DKKL1: variants seen among roughly 807,000 people sequenced by gnomAD.
DKKL1 encodes dickkopf-like protein 1.
A neutral mutation model predicts 16.5 loss-of-function variants in DKKL1; 11 were observed. The observed-to-expected ratio is 0.67, with a 90% CI of 0.42 to 1.10. The LOEUF (loss-of-function observed/expected upper bound fraction) is 1.10, where lower values mean the gene tolerates loss of function less well. Ranked by LOEUF, DKKL1 falls within the 50% of genes least tolerant of loss-of-function variation. The pLI is 0.00. For missense variants in DKKL1, 320 were observed against 308.1 expected (o/e 1.04, Z -0.29); for synonymous variants, 119 against 133.2 (o/e 0.89, Z 0.73).
At chr19:49,361,408 G>A (rs958089363), upstream of DKKL1, 1 of 153,534 alleles carries the variant, frequency 6.5e-6, no homozygotes, top group Non-Finnish European at 1.4e-5. Context: ...AGAAAGGGCA[G>A]GGACAGAGAC....
chr19:49,367,973 T>C (rs890689967), intron 4 of DKKL1, among the ~76,000 whole-genome samples: 2 of 152,008 alleles, frequency 1.3e-5, no homozygotes, highest in African/African-American at 4.8e-5. Context: ...CCCACGAGTT[T>C]GAGATCACCC....
Position 49,365,894 on chromosome 19 carries a change from G to A in DKKL1, c.417+9G>A, listed in dbSNP as rs201804305. ...TCGAGGGTGATTTGAAGGTTAGGAC[G>A]TGCCCCGCCGTCAAAGTGTCCAGGC... On this transcript the variant is annotated intron_variant, in intron 4 of 4. Coordinates refer to ENST00000221498, the MANE Select transcript of DKKL1 (RefSeq NM_014419.4). 1,115 of 1,611,420 alleles carry A rather than the reference G, an allele frequency of 6.9e-4. 1 individual carries two copies. The highest frequency in any genetic ancestry group is 9.1e-4 in the Non-Finnish European group (1,069 of 1,178,634).
intron 1 of DKKL1, 68 bp from the exon 2 acceptor site, chr19:49,364,514 C>A: frequency 7.0e-7 from 1 of 1,438,306 alleles, no homozygotes. Flanking sequence ...GGGCAAGGTG[C>A]TGGAGAGGGG....
At chr19:49,374,459 A>G (rs922821157) in intron 4 of DKKL1, among the ~76,000 whole-genome samples, 2 of 152,250 alleles carry the variant, frequency 1.3e-5, no homozygotes, top group African/African-American at 4.8e-5. Flanking sequence ...CCCAACAGGC[A>G]TTATAATCCC....
At chr19:49,364,869 A>G (rs1973190552) in intron 2 of DKKL1, 115 bp downstream of exon 2, 2 of 1,306,472 alleles carry the variant, frequency 1.5e-6, no homozygotes, top group South Asian at 2.8e-5. Flanking sequence ...GGCAACAGGG[A>G]GACCAAGAGA....
rs1973214846 is a variant in DKKL1 at position 49,365,524 on chromosome 19, G to A, written c.199G>A (p.Gly67Ser). 3 of 1,610,430 alleles carry A rather than the reference G, an allele frequency of 1.9e-6. No individual in the cohort carries two copies. The highest frequency in any genetic ancestry group is 2.5e-6 in the Non-Finnish European group (3 of 1,178,220). ...CCGGCCCCAGGGTAACCTGCTTCGG[G>A]GCATAGACAGCTTATTCTCTGCCCC... ...RLFLKGNLLR[G>S]IDSLFSAPMD... is the part of the protein sequence containing the mutation. Residue 67 changes from glycine (G) to serine (S), a missense_variant, in exon 3 of 5, where the codon GGC (glycine) becomes AGC (serine). Gly to Ser is a moderately conservative substitution (Grantham distance 56). Transcript: ENST00000221498.
rs776519239 is a variant in DKKL1, at chr19:49,364,766, C to CG, written c.183+18dup. 27 of 1,609,512 alleles carry CG rather than the reference C, an allele frequency of 1.7e-5. No individual in the cohort carries two copies. In the East Asian group the frequency reaches 3.3e-4, roughly 20 times the overall value. ...GACTTTTCCTGAAAGTAAGCGATGGCGGGGGGATGGGGGAAGAAGTACTGA... is the reference window on the plus strand; with the variant it reads ...GACTTTTCCTGAAAGTAAGCGATGGCGGGGGGGATGGGGGAAGAAGTACTGA... On this transcript the variant is annotated intron_variant, in intron 2 of 4. Transcript: ENST00000221498.
At chr19:49,374,350 C>T (rs951473822) in intron 4 of DKKL1, among the ~76,000 whole-genome samples, 3 of 152,242 alleles carry the variant, frequency 2.0e-5, no homozygotes, top group Admixed American at 6.5e-5. Flanking sequence ...CATGAGTCTT[C>T]GGTAAACCCA....
upstream of DKKL1, chr19:49,363,567 A>G: frequency 3.0e-6 from 1 of 329,002 alleles, no homozygotes; most frequent in South Asian, 2.5e-5. Flanking sequence ...GGGCGTGGCC[A>G]TTGCGATTGG....
At chr19:49,370,307 T>C (rs1010944643) in intron 4 of DKKL1, 1 of 152,226 alleles carries the variant, frequency 6.6e-6, no homozygotes, top group Non-Finnish European at 1.5e-5. Context: ...CCATGGAGGA[T>C]ACCCTGGTGG....
chr19:49,367,029 T>C, intron 4 of DKKL1, among the ~76,000 whole-genome samples: 1 of 149,110 alleles, frequency 6.7e-6, no homozygotes, highest in Non-Finnish European at 1.5e-5. Flanking sequence ...TTTCTTCTTC[T>C]TTTTTTGTTT....
chr19:49,374,597 G>A (rs896365752), intron 4 of DKKL1, 120 bp from the exon 5 acceptor site: 12 of 870,740 alleles, frequency 1.4e-5, no homozygotes, highest in Non-Finnish European at 2.0e-5. Context: ...CCTCAAACAG[G>A]GCTTTTGAAC....
intron 4 of DKKL1, among the ~76,000 whole-genome samples, chr19:49,366,310 T>C (rs1335484886): frequency 6.6e-6 from 1 of 152,206 alleles, no homozygotes; most frequent in Non-Finnish European, 1.5e-5. Context: ...ACTTCCTCCT[T>C]CTGAGCCTCA....
At chr19:49,361,308 CCAGAGAGAGGGGGACACAGACT>C (rs1189581978), upstream of DKKL1, 475 of 144,122 alleles carry the variant, frequency 3.3e-3, 19 homozygotes, top group African/African-American at 0.012. Context: ...GACCAGAGAC[CCAGAGAGAGGGGGACACAGACT>C]CAGAGAGAGG....
At chr19:49,367,830 C>T (rs147470178) in intron 4 of DKKL1, among the ~76,000 whole-genome samples, 85 of 152,256 alleles carry the variant, frequency 5.6e-4, no homozygotes, top group African/African-American at 1.9e-3. Flanking sequence ...ATGATACCCA[C>T]GTACACCCAT....
intron 4 of DKKL1, among the ~76,000 whole-genome samples, chr19:49,366,831 C>T (rs959742016): frequency 1.3e-5 from 2 of 151,582 alleles, no homozygotes; most frequent in African/African-American, 4.9e-5. Flanking sequence ...CCTCAGCCTC[C>T]GGAATAGCTG....
chr19:49,372,941 C>T (rs1973560440), intron 4 of DKKL1, among the ~76,000 whole-genome samples: 2 of 151,952 alleles, frequency 1.3e-5, no homozygotes, highest in South Asian at 2.1e-4. Context: ...GTGGAGGTCG[C>T]GGTGAGCGAA....
intron 4 of DKKL1, among the ~76,000 whole-genome samples, chr19:49,368,239 G>A (rs1973335180): frequency 1.3e-5 from 2 of 151,900 alleles, no homozygotes; most frequent in African/African-American, 4.8e-5. Context: ...TTTGAACCCG[G>A]GAGGCAGAGG....
At chr19:49,365,727 T>TTGGGAG in intron 3 of DKKL1, 66 bp from the exon 4 acceptor site, 1 of 1,601,568 alleles carries the variant, frequency 6.2e-7, no homozygotes, top group South Asian at 1.1e-5. Flanking sequence ...GCAGTATCTG[T>TTGGGAG]TGGGAGGGAA....
Sources: allele counts gnomAD v4.1 joint callset (sites outside exome capture counted in the v4.1 genomes callset), GRCh38; gene constraint gnomAD v4.1.1; transcripts MANE v1.5; gene names NCBI Gene and HGNC (gene_info 2026-07-23, HGNC 2026-07-21).